Variants in KNL1 observed in about 807,000 individuals in gnomAD.
KNL1 encodes the protein kinetochore scaffold 1, also known as outer kinetochore KNL1 complex subunit KNL1.
KNL1 carries 66 observed loss-of-function variants against 201.3 expected under a neutral mutation model. The ratio of observed to expected loss-of-function variants is 0.33; its 90% CI spans 0.27 to 0.40. The LOEUF (loss-of-function observed/expected upper bound fraction) is 0.40, where lower values mean the gene tolerates loss of function less well. KNL1 is among the 10% of genes least tolerant of loss of function. The pLI, the probability that KNL1 is intolerant of heterozygous loss-of-function variation, is 1.00. For synonymous variants in KNL1, 895 were observed against 899.2 expected (o/e 1.00, Z 0.08); for missense variants, 2,815 against 2,690.5 (o/e 1.05, Z -1.02).
In KNL1 at chr15:40,621,223, A is replaced by C. The variant is rs1286064787; in HGVS notation, c.959A>C (p.Asp320Ala). The C allele has an allele frequency of 2.5e-6, 4 of 1,612,634 alleles. No homozygotes were observed. The highest frequency in any genetic ancestry group is 3.4e-6 in the Non-Finnish European group (4 of 1,179,312). Residue 320 changes from aspartate to alanine, a missense_variant, in exon 10 of 26, where the codon GAC (aspartate) becomes GCC (alanine). Asp to Ala is a moderately radical substitution (Grantham distance 126, BLOSUM62 -2). Around this residue, in one of 3 missense-constraint regions of KNL1, gnomAD observed 2,464 missense variants for 2,291.7 expected, o/e 1.08. Coordinates refer to ENST00000399668, the MANE Select transcript of KNL1 (RefSeq NM_144508.5). ...DITIYGNDFM[D>A]LTFNHTLQIL... is the part of the protein sequence containing the mutation. Reference sequence around the variant, plus strand: ...ACAATTTATGGCAATGACTTTATGGACTTGACATTTAACCACACTTTGCAG... The same window carrying C: ...ACAATTTATGGCAATGACTTTATGGCCTTGACATTTAACCACACTTTGCAG...
At chr15:40,613,044 G>GT (rs1892222920) in intron 7 of KNL1, among the ~76,000 whole-genome samples, 1 of 152,120 alleles carries the variant, frequency 6.6e-6, no homozygotes, top group Non-Finnish European at 1.5e-5. Context: ...TATTATAATA[G>GT]TAAACGTTGT....
chr15:40,620,938 G>A lies in KNL1; in HGVS notation c.674G>A (p.Gly225Glu), dbSNP rs777997022. Residue 225 changes from glycine (G) to glutamate (E), a missense_variant, in exon 10 of 26, where the codon GGA (glycine) becomes GAA (glutamate). Transcript: ENST00000399668. ...FNDFIKRLKTGKCSAFPDVPD... is the reference protein window; with the variant it reads ...FNDFIKRLKTEKCSAFPDVPD... Reference sequence around the variant, plus strand: ...GACTTCATAAAAAGATTGAAAACAGGAAAATGTAGTGCTTTTCCTGATGTG... The same window carrying A: ...GACTTCATAAAAAGATTGAAAACAGAAAAATGTAGTGCTTTTCCTGATGTG... 1 of 1,605,448 alleles carries A rather than the reference G, an allele frequency of 6.2e-7. No homozygotes were observed. The highest frequency in any genetic ancestry group is 8.5e-7 in the Non-Finnish European group (1 of 1,177,810).
At chr15:40,641,795 G>T (rs778477570) in intron 14 of KNL1, among the ~76,000 whole-genome samples, 1 of 152,168 alleles carries the variant, frequency 6.6e-6, no homozygotes, top group Non-Finnish European at 1.5e-5. Context: ...CCTGAAATCA[G>T]ATTGCCTTTG....
At chr15:40,642,289 C>T (rs938065225) in intron 14 of KNL1, among the ~76,000 whole-genome samples, 4 of 151,708 alleles carry the variant, frequency 2.6e-5, no homozygotes, top group Non-Finnish European at 5.9e-5. Context: ...GTCCCAGCTA[C>T]TCGGGAGGCT....
At chr15:40,651,905 C>T (rs3092980) in intron 20 of KNL1, 100 bp from the exon 21 acceptor site, 19,190 of 681,090 alleles carry the variant, frequency 0.028, 365 homozygotes, top group Non-Finnish European at 0.037. Context: ...AGTGGAAAAA[C>T]ATTAGCAGCT....
rs1412185456 is a variant in KNL1 at position 40,622,661 on chromosome 15, A to G, written c.2397A>G (p.Arg799=). The stretch of plus-strand genomic sequence containing the variant: ...CTGGCCAGCTAACAACAATGAACAG[A>G]CAGATAGCTGTAAAAGTTGAAAAAT... The part of the protein sequence containing the change: ...HTTGQLTTMN[R]QIAVKVEKCG... The change falls in exon 10 of 26, where the codon AGA becomes AGG. Residue 799 remains arginine, a synonymous_variant. Transcript: ENST00000399668. 6.3e-7 allele frequency: 1 copy of G among 1,591,056 alleles called. No homozygotes were observed. The highest frequency in any genetic ancestry group is 1.8e-5 in the Admixed American group (1 of 54,892).
chr15:40,663,838 AT>A lies in KNL1; in HGVS notation c.*1655del. On this transcript the variant is annotated 3_prime_UTR_variant, in exon 26 of 26. Transcript: ENST00000399668. ...AATTTGTCTCAAAATTTTGCTTTAT[AT>A]TTTTGGATCAGGTTAAAGTCCTGTG... 5.2e-6 allele frequency: 1 copy of A among 192,638 alleles called. No individual in the cohort carries two copies. Among genetic ancestry groups the A allele is most frequent in the Non-Finnish European group, 1.1e-5 (1 of 92,262 alleles). The allele number at this position is 192,638 out of a possible 1,614,324, so 11.9% of individuals were successfully genotyped here. A position where few individuals can be genotyped will look rare whatever the true frequency, so the allele number is the denominator to read the frequency against.
chr15:40,594,413 G>T (rs1026846877), intron 1 of KNL1, 21 bp downstream of exon 1: 3 of 152,264 alleles, frequency 2.0e-5, no homozygotes, highest in African/African-American at 7.2e-5. Flanking sequence ...TGACTCTTTC[G>T]TTCTGGGCTT....
In KNL1 at chr15:40,622,091, A is replaced by G; in HGVS notation, c.1827A>G (p.Ser609=). ...CTCACTCTCAGAGCAAAAGCTCTTCAGATGAATGTGAAGAAATTACCAAAA... is the reference window on the plus strand; with the variant it reads ...CTCACTCTCAGAGCAAAAGCTCTTCGGATGAATGTGAAGAAATTACCAAAA... ...SESHSQSKSS[S]DECEEITKSR... Residue 609 remains serine, a synonymous_variant, in exon 10 of 26, where the codon TCA becomes TCG. Transcript: ENST00000399668. 1 of 1,614,138 alleles carries G rather than the reference A, an allele frequency of 6.2e-7. No individual in the cohort carries two copies. The highest frequency in any genetic ancestry group is 8.5e-7 in the Non-Finnish European group (1 of 1,179,976).
rs369000604 is a variant in KNL1, at chr15:40,623,775, A to G, written c.3511A>G (p.Thr1171Ala). The G allele has an allele frequency of 1.2e-6, 2 of 1,613,950 alleles. No individual in the cohort carries two copies. Among genetic ancestry groups the G allele is most frequent in the Non-Finnish European group, 1.7e-6 (2 of 1,179,900 alleles). The change falls in exon 10 of 26, where the codon ACT becomes GCT. Residue 1171 changes from threonine (T) to alanine (A), a missense_variant. Thr to Ala is a moderately conservative substitution (Grantham distance 58). Around this residue, in one of 3 missense-constraint regions of KNL1, gnomAD observed 2,464 missense variants for 2,291.7 expected, o/e 1.08. Coordinates refer to ENST00000399668, the MANE Select transcript of KNL1 (RefSeq NM_144508.5). The part of the protein sequence containing the change: ...YSDLEVTDSH[T>A]VFIDCQATEK... ...TGATCTGGAAGTCACCGATTCCCATACTGTTTTCATTGACTGTCAAGCCAC... is the reference window on the plus strand; with the variant it reads ...TGATCTGGAAGTCACCGATTCCCATGCTGTTTTCATTGACTGTCAAGCCAC...
intron 17 of KNL1, among the ~76,000 whole-genome samples, chr15:40,648,903 C>A (rs1286277791): frequency 6.8e-6 from 1 of 147,166 alleles, no homozygotes; most frequent in Non-Finnish European, 1.5e-5. Context: ...AATCTCTGCT[C>A]ACTGCAACCT....
At position 40,624,267 on chromosome 15, in the gene KNL1, G is replaced by T. The variant is rs753143289; in HGVS notation, c.4003G>T (p.Val1335Leu). Residue 1335 changes from valine to leucine, a missense_variant, in exon 10 of 26, where the codon GTG (valine) becomes TTG (leucine). This residue lies in a region of KNL1 where 2,464 missense variants were observed against 2,291.7 expected (regional missense o/e 1.08). Transcript: ENST00000399668. The part of the protein sequence containing the change: ...KDEEKANYCP[V>L]QNDLAYANDF... ...TGAGGAAAAAGCCAATTATTGCCCA[G>T]TGCAAAATGATCTTGCTTATGCAAA... 3 of 1,614,020 alleles carry T rather than the reference G, an allele frequency of 1.9e-6. No homozygotes were observed. Among genetic ancestry groups the T allele is most frequent in the Admixed American group, 1.7e-5 (1 of 60,018 alleles).
rs965325276 is a variant in KNL1 at position 40,658,276 on chromosome 15, TC to T, written c.6713+806del. 6.6e-5 allele frequency among the ~76,000 whole-genome samples: 10 copies of T among 151,036 alleles called. No homozygotes were observed. In the East Asian group the frequency reaches 2.0e-3, roughly 30 times the overall value. ...AGACTCCATATCCTCACACCTGTAA[TC>T]CCAGCACTTTGGGAGGCTGAGGCAG... is the stretch of plus-strand genomic sequence containing the variant. On this transcript the variant is annotated intron_variant, in intron 24 of 25. Coordinates refer to ENST00000399668, the MANE Select transcript of KNL1 (RefSeq NM_144508.5).
Position 40,623,488 on chromosome 15 carries a change from C to T in KNL1, c.3224C>T (p.Thr1075Ile). ...AGCCTTAAGCTAAAAAATGACAAGA[C>T]CATTGTATTTTCAGAGAATCATAAA... is the stretch of plus-strand genomic sequence containing the variant. ...RKSLKLKNDK[T>I]IVFSENHKND... The change falls in exon 10 of 26, where the codon ACC (threonine) becomes ATC (isoleucine). Residue 1075 changes from threonine to isoleucine, a missense_variant. Thr to Ile is a moderately conservative substitution (Grantham distance 89). Around this residue, in one of 3 missense-constraint regions of KNL1, gnomAD observed 2,464 missense variants for 2,291.7 expected, o/e 1.08. Transcript: ENST00000399668. The T allele has an allele frequency of 6.2e-7, 1 of 1,612,328 alleles. No individual in the cohort carries two copies. Among genetic ancestry groups the T allele is most frequent in the Non-Finnish European group, 8.5e-7 (1 of 1,179,498 alleles).
chr15:40,597,752 T>C (rs1891661886), intron 1 of KNL1, among the ~76,000 whole-genome samples: 1 of 152,248 alleles, frequency 6.6e-6, no homozygotes, highest in Non-Finnish European at 1.5e-5. Flanking sequence ...AGTTAATTGC[T>C]AACTGATTGG....
chr15:40,656,495 TACTC>T (rs1317841411), intron 22 of KNL1, among the ~76,000 whole-genome samples: 3 of 152,228 alleles, frequency 2.0e-5, no homozygotes, highest in African/African-American at 7.2e-5. Flanking sequence ...CCCACACTCT[TACTC>T]AAGTACTGTT....
At chr15:40,655,087 C>T (rs1743009959) in intron 22 of KNL1, 110 bp downstream of exon 22, 9 of 763,092 alleles carry the variant, frequency 1.2e-5, no homozygotes, top group Admixed American at 2.2e-5. Context: ...CACCAGGGGT[C>T]AGGAGTTTGA....
At position 40,601,411 on chromosome 15, in the gene KNL1, C is replaced by T. The variant is rs912893709; in HGVS notation, c.-17-1504C>T. 2.4e-4 allele frequency among the ~76,000 whole-genome samples: 37 copies of T among 152,272 alleles called. 1 individual carries two copies. Among genetic ancestry groups the T allele is most frequent in the Admixed American group, 2.0e-3 (31 of 15,280 alleles). On this transcript the variant is annotated intron_variant, in intron 1 of 25. Transcript: ENST00000399668. ...TGGATTATTAAATAATCTGCAAACT[C>T]TTATAAGCTAGGCCAAATTTTTATT...
At chr15:40,651,666 G>C (rs1893568472) in intron 20 of KNL1, 94 bp downstream of exon 20, 1 of 855,638 alleles carries the variant, frequency 1.2e-6, no homozygotes, top group Admixed American at 2.9e-5. Context: ...TTAATGTGTT[G>C]CTGTTTTTAA....
Sources: allele counts gnomAD v4.1 joint callset (sites outside exome capture counted in the v4.1 genomes callset), GRCh38; gene constraint gnomAD v4.1.1; regional missense constraint gnomAD v4.1.1; transcripts MANE v1.5; gene names NCBI Gene and HGNC (gene_info 2026-07-23, HGNC 2026-07-21).